The following JAK2 variants were observed in gnomAD, a reference collection of about 807,000 sequenced individuals.
JAK2 encodes Janus kinase 2.
In JAK2, 86 loss-of-function variants were observed where a neutral mutation model predicts 139.3. That is an observed-to-expected ratio of 0.62 (90% CI 0.52 to 0.74). The LOEUF is 0.74. Among genes scored for constraint, JAK2 ranks in the 30% least tolerant of loss-of-function variants. The pLI is 0.00. For synonymous variants in JAK2, 490 were observed against 437.7 expected (o/e 1.12, Z -1.49); for missense variants, 1,421 against 1,360.3 (o/e 1.04, Z -0.70).
intron 19 of JAK2, among the ~76,000 whole-genome samples, chr9:5,084,811 G>C (rs1819953397): frequency 6.6e-6 from 1 of 152,174 alleles, no homozygotes; most frequent in Non-Finnish European, 1.5e-5. Context: ...GACAGATTCA[G>C]ATGGTTTAAT....
At chr9:5,021,889 C>T in intron 2 of JAK2, 74 bp from the exon 3 acceptor site, 1 of 834,044 alleles carries the variant, frequency 1.2e-6, no homozygotes, top group Non-Finnish European at 1.9e-6. Context: ...CGCCTCGGCC[C>T]CGCAAAGTGC....
chr9:5,073,858 C>T, intron 14 of JAK2, 73 bp downstream of exon 14: 1 of 955,212 alleles, frequency 1.0e-6, no homozygotes, highest in South Asian at 1.4e-5. Context: ...AATTCAGTTT[C>T]AGGATCACAG....
chr9:5,017,676 T>C (rs1822158615), intron 2 of JAK2, among the ~76,000 whole-genome samples: 1 of 152,210 alleles, frequency 6.6e-6, no homozygotes, highest in South Asian at 2.1e-4. Context: ...TATAATAAGA[T>C]ACGATGTAAT....
At chr9:5,104,389 C>T (rs974605084) in intron 22 of JAK2, among the ~76,000 whole-genome samples, 9 of 152,104 alleles carry the variant, frequency 5.9e-5, no homozygotes, top group Non-Finnish European at 1.2e-4. Context: ...CTGAATAGAC[C>T]AATAACAGGC....
At chr9:5,105,379 G>A (rs1000179472) in intron 22 of JAK2, among the ~76,000 whole-genome samples, 16 of 152,098 alleles carry the variant, frequency 1.1e-4, no homozygotes, top group African/African-American at 3.9e-4. Context: ...ACCTCTTCAA[G>A]GAAAACTACA....
At chr9:5,108,842 C>G (rs1822195405) in intron 22 of JAK2, 1 of 152,144 alleles carries the variant, frequency 6.6e-6, no homozygotes, top group Non-Finnish European at 1.5e-5. Flanking sequence ...CCCCTTGAAG[C>G]TTTACAGGTG....
chr9:5,117,915 T>A (rs890029502), intron 22 of JAK2, among the ~76,000 whole-genome samples: 1 of 152,210 alleles, frequency 6.6e-6, no homozygotes, highest in African/African-American at 2.4e-5. Context: ...TCAAACCTTT[T>A]AAGTATATAT....
intron 22 of JAK2, chr9:5,111,505 C>T (rs1317066046): frequency 5.4e-6 from 2 of 367,552 alleles, no homozygotes; most frequent in Non-Finnish European, 1.1e-5. Context: ...ATGCCGCCGC[C>T]TATCCATCCG....
At chr9:5,039,944 C>T (rs933981084) in intron 4 of JAK2, among the ~76,000 whole-genome samples, 9 of 152,138 alleles carry the variant, frequency 5.9e-5, no homozygotes, top group African/African-American at 2.2e-4. Flanking sequence ...GTCTTTATTG[C>T]AGAAATTGAC....
intron 22 of JAK2, chr9:5,110,782 G>A (rs918343424): frequency 4.2e-5 from 17 of 401,032 alleles, no homozygotes; most frequent in Middle Eastern, 8.4e-4. Context: ...AGTGGTAAGG[G>A]CCCGGGCCAC....
rs1435190984 is a variant in JAK2 at position 5,054,064 on chromosome 9, G to A, written c.615-499G>A. 6.6e-6 allele frequency among the ~76,000 whole-genome samples: 1 copy of A among 152,046 alleles called. No individual in the cohort carries two copies. Among genetic ancestry groups the A allele is most frequent in the Non-Finnish European group, 1.5e-5 (1 of 67,910 alleles). On this transcript the variant is annotated intron_variant, in intron 6 of 24. Coordinates refer to ENST00000381652, the MANE Select transcript of JAK2 (RefSeq NM_004972.4). The surrounding 1 kb of genome is among the most constrained non-coding windows in gnomAD (Gnocchi z 4.9). ...TTTGATCACAAAGGAATTATTAGGA[G>A]TTGAAGCTGGCCTAACAAAATAATA...
chr9:5,086,359 C>G (rs1370676801), intron 19 of JAK2, among the ~76,000 whole-genome samples: 11 of 151,590 alleles, frequency 7.3e-5, no homozygotes, highest in Admixed American at 7.2e-4. Flanking sequence ...TTTTGAAATC[C>G]TCTTTATTCC....
At chr9:5,115,699 G>C (rs961944702) in intron 22 of JAK2, among the ~76,000 whole-genome samples, 10 of 152,168 alleles carry the variant, frequency 6.6e-5, no homozygotes, top group African/African-American at 1.9e-4. Flanking sequence ...AAGAAAATGT[G>C]ACACATATAC....
chr9:5,126,805 C>G lies in JAK2; in HGVS notation c.*14C>G. Reference sequence around the variant, plus strand: ...ATGGCTGGATGAAAGAAATGACCTTCATTCTGAGACCAAAGTAGATTTACA... The same window carrying G: ...ATGGCTGGATGAAAGAAATGACCTTGATTCTGAGACCAAAGTAGATTTACA... On this transcript the variant is annotated 3_prime_UTR_variant, in exon 25 of 25. Transcript: ENST00000381652. The G allele has an allele frequency of 2.0e-6, 3 of 1,491,554 alleles. No homozygotes were observed. In the South Asian group the frequency reaches 3.4e-5, roughly 17 times the overall value. 92.4% of individuals were successfully genotyped at this position (1,491,554 alleles called of 1,614,324 possible).
intron 10 of JAK2, among the ~76,000 whole-genome samples, chr9:5,068,652 G>C (rs1016873578): frequency 6.6e-6 from 1 of 152,222 alleles, no homozygotes; most frequent in Non-Finnish European, 1.5e-5. Context: ...TATGTTGGCA[G>C]TGGCAGGAGC....
chr9:5,127,310 G>T lies in JAK2; in HGVS notation c.*519G>T, dbSNP rs1471284635. ...CTATACAAACAAATTAAGATGTTCA[G>T]ATAATTGAATAAGTACCTTTGTGTC... On this transcript the variant is annotated 3_prime_UTR_variant, in exon 25 of 25. Transcript: ENST00000381652. 4.3e-6 allele frequency: 1 copy of T among 232,032 alleles called. No homozygotes were observed. Among genetic ancestry groups the T allele is most frequent in the East Asian group, 6.1e-5 (1 of 16,522 alleles). 14.4% of individuals were successfully genotyped at this position (232,032 alleles called of 1,614,324 possible). A position where few individuals can be genotyped will look rare whatever the true frequency, so the allele number is the denominator to read the frequency against.
At chr9:5,001,051 A>G (rs1239158056) in intron 2 of JAK2, among the ~76,000 whole-genome samples, 1 of 152,202 alleles carries the variant, frequency 6.6e-6, no homozygotes, top group Non-Finnish European at 1.5e-5. Context: ...TTATTTTGTG[A>G]TGTATCCTGT....
At chr9:5,085,712 G>A in intron 19 of JAK2, 1 of 750,352 alleles carries the variant, frequency 1.3e-6, no homozygotes, top group Non-Finnish European at 2.5e-6. Context: ...GACTAGCAGT[G>A]TGGATCATTT....
intron 2 of JAK2, among the ~76,000 whole-genome samples, chr9:4,998,525 G>A (rs1179164747): frequency 1.3e-5 from 2 of 152,118 alleles, no homozygotes; most frequent in Non-Finnish European, 2.9e-5. Flanking sequence ...AAAGTGCTGG[G>A]ATTACAGGCA....
Sources: gnomAD v4.1 joint callset for allele counts (sites outside exome capture counted in the v4.1 genomes callset) on GRCh38, gnomAD v4.1.1 for gene constraint, Gnocchi (gnomAD v3.1) non-coding constraint, MANE v1.5 for transcripts, NCBI Gene and HGNC (gene_info 2026-07-23, HGNC 2026-07-21) for gene names.